MTSS1: variants seen among roughly 807,000 people sequenced by gnomAD.
MTSS1 encodes protein MTSS 1.
MTSS1 carries 18 observed loss-of-function variants against 79.0 expected under a neutral mutation model. That is an observed-to-expected ratio of 0.23 (90% CI 0.16 to 0.34). The LOEUF (loss-of-function observed/expected upper bound fraction) is 0.34. Among genes scored for constraint, MTSS1 ranks in the 10% least tolerant of loss-of-function variants. MTSS1 has a pLI of 1.00. For missense variants in MTSS1, 815 were observed against 986.2 expected (o/e 0.83, Z 2.33); for synonymous variants, 341 against 368.6 (o/e 0.93, Z 0.86).
intron 3 of MTSS1, among the ~76,000 whole-genome samples, chr8:124,639,992 G>A (rs1023073683): frequency 4.6e-5 from 7 of 152,110 alleles, no homozygotes; most frequent in African/African-American, 1.4e-4. Flanking sequence ...GACATTTAAC[G>A]AGCACCTACT....
chr8:124,624,443 G>A (rs965229399), intron 3 of MTSS1, among the ~76,000 whole-genome samples: 2 of 152,156 alleles, frequency 1.3e-5, no homozygotes, highest in Non-Finnish European at 2.9e-5. Context: ...TCAGGTTGAC[G>A]ACGTGACACA....
At chr8:124,685,215 GT>G (rs1431136902) in intron 3 of MTSS1, among the ~76,000 whole-genome samples, 2 of 152,188 alleles carry the variant, frequency 1.3e-5, no homozygotes, top group Non-Finnish European at 2.9e-5. Context: ...TAATGAAAAT[GT>G]TTTGGAATTA....
At chr8:124,612,065 G>A (rs895404109) in intron 3 of MTSS1, among the ~76,000 whole-genome samples, 1 of 151,524 alleles carries the variant, frequency 6.6e-6, no homozygotes, top group Non-Finnish European at 1.5e-5. Context: ...AATCTTAATG[G>A]TACTTAATTA....
intron 3 of MTSS1, among the ~76,000 whole-genome samples, chr8:124,599,305 G>A (rs907660581): frequency 6.6e-5 from 10 of 152,096 alleles, no homozygotes; most frequent in Non-Finnish European, 1.5e-4. Flanking sequence ...CCAACATGGT[G>A]AAACCCTGTC....
intron 3 of MTSS1, among the ~76,000 whole-genome samples, chr8:124,695,554 A>G (rs1174808235): frequency 6.6e-6 from 1 of 152,226 alleles, no homozygotes; most frequent in Non-Finnish European, 1.5e-5. Context: ...GATCACTTGT[A>G]GGACTCCAAA....
intron 12 of MTSS1, 59 bp from the exon 13 acceptor site, chr8:124,555,963 CCTGTT>C (rs1306692005): frequency 2.5e-5 from 39 of 1,586,770 alleles, no homozygotes; most frequent in Non-Finnish European, 3.3e-5. Flanking sequence ...CAACAGCACT[CCTGTT>C]CTGCCCCCGT....
At chr8:124,652,356 G>C (rs551058075) in intron 3 of MTSS1, among the ~76,000 whole-genome samples, 2 of 151,922 alleles carry the variant, frequency 1.3e-5, no homozygotes, top group African/African-American at 2.4e-5. Flanking sequence ...TGTAGAGACA[G>C]GGTTTCACCA....
chr8:124,715,615 C>T (rs1027320741), intron 1 of MTSS1, among the ~76,000 whole-genome samples: 1 of 152,180 alleles, frequency 6.6e-6, no homozygotes, highest in Non-Finnish European at 1.5e-5. Flanking sequence ...GGAACGATGC[C>T]CTGGTAGCCA....
chr8:124,594,610 C>T (rs1004967671), intron 3 of MTSS1, among the ~76,000 whole-genome samples: 1 of 152,134 alleles, frequency 6.6e-6, no homozygotes, highest in Non-Finnish European at 1.5e-5. Context: ...AATTTCTAGA[C>T]ATAATGTATG....
rs200675739 is a variant in MTSS1 at position 124,568,543 on chromosome 8, A to G, written c.461-7T>C. On this transcript the variant is annotated splice_polypyrimidine_tract_variant and splice_region_variant and intron_variant, in intron 6 of 13. Transcript: ENST00000518547. Reference sequence around the variant, plus strand: ...GGCTGGATATCACCTCTCCCTGCAAAAAACAGAGACCCAAGCACGGCTTGC... The same window carrying G: ...GGCTGGATATCACCTCTCCCTGCAAGAAACAGAGACCCAAGCACGGCTTGC... 386 of 1,614,166 alleles carry G rather than the reference A, an allele frequency of 2.4e-4. 1 individual carries two copies. In the African/African-American group the frequency reaches 4.2e-3, roughly 18 times the overall value.
chr8:124,585,704 G>A (rs989409385), intron 5 of MTSS1, among the ~76,000 whole-genome samples: 1 of 152,086 alleles, frequency 6.6e-6, no homozygotes, highest in African/African-American at 2.4e-5. Context: ...CACCATGCCT[G>A]GCGGGGAATA....
intron 3 of MTSS1, among the ~76,000 whole-genome samples, chr8:124,673,674 C>T (rs1824724942): frequency 6.6e-6 from 1 of 152,244 alleles, no homozygotes; most frequent in Admixed American, 6.5e-5. Flanking sequence ...GACCCAGATT[C>T]AAAGCTGCAC....
intron 3 of MTSS1, among the ~76,000 whole-genome samples, chr8:124,657,578 GAAGACTCACC>G (rs1325283186): frequency 2.6e-5 from 4 of 152,002 alleles, no homozygotes; most frequent in Admixed American, 2.6e-4. Context: ...GGCATGACAT[GAAGACTCACC>G]AGCAACACTG....
At chr8:124,573,217 C>G (rs1166824875) in intron 6 of MTSS1, among the ~76,000 whole-genome samples, 2 of 152,244 alleles carry the variant, frequency 1.3e-5, no homozygotes, top group Non-Finnish European at 2.9e-5. Flanking sequence ...CTCTCCTCTC[C>G]CTCTCATCCT....
chr8:124,715,749 T>G (rs544612646), intron 1 of MTSS1, among the ~76,000 whole-genome samples: 1 of 152,128 alleles, frequency 6.6e-6, no homozygotes, highest in Non-Finnish European at 1.5e-5. Context: ...GGCGCTGAGG[T>G]GTAGCCATAT....
Position 124,727,843 on chromosome 8 carries a change from G to A in MTSS1, c.72+41C>T. Reference sequence around the variant, plus strand: ...GGCGAAGCGCGGCGGCGAGGTCAGAGCGCGGCGGCCGGCGCCGCAGCCGCA... The same window carrying A: ...GGCGAAGCGCGGCGGCGAGGTCAGAACGCGGCGGCCGGCGCCGCAGCCGCA... On this transcript the variant is annotated intron_variant, in intron 1 of 13. Coordinates refer to ENST00000518547, the MANE Select transcript of MTSS1 (RefSeq NM_014751.6). This position sits in a 1 kb window ranked among gnomAD's most constrained non-coding sequence, Gnocchi z 4.7. 6.5e-7 allele frequency: 1 copy of A among 1,534,810 alleles called. No homozygotes were observed. The highest frequency in any genetic ancestry group is 2.1e-5 in the Admixed American group (1 of 47,336).
At chr8:124,626,089 T>C (rs1186126664) in intron 3 of MTSS1, among the ~76,000 whole-genome samples, 1 of 152,166 alleles carries the variant, frequency 6.6e-6, no homozygotes, top group Non-Finnish European at 1.5e-5. Context: ...CTTTTAACCA[T>C]GGCACCATGT....
chr8:124,601,728 G>C (rs1330962022), intron 3 of MTSS1, among the ~76,000 whole-genome samples: 1 of 152,148 alleles, frequency 6.6e-6, no homozygotes, highest in Non-Finnish European at 1.5e-5. Context: ...GGGCAAGGCT[G>C]GGTACACCAT....
chr8:124,678,283 A>G (rs1009113869), intron 3 of MTSS1, among the ~76,000 whole-genome samples: 3 of 152,240 alleles, frequency 2.0e-5, no homozygotes, highest in African/African-American at 7.2e-5. Flanking sequence ...CCTGGGGAAC[A>G]CTAATCAGCC....
Sources: gnomAD v4.1 joint callset for allele counts (sites outside exome capture counted in the v4.1 genomes callset) on GRCh38, gnomAD v4.1.1 for gene constraint, Gnocchi (gnomAD v3.1) non-coding constraint, MANE v1.5 for transcripts, NCBI Gene and HGNC (gene_info 2026-07-23, HGNC 2026-07-21) for gene names.